Variants in ARID1B observed in about 807,000 individuals in gnomAD.
ARID1B encodes AT-rich interaction domain 1B, also known as AT-rich interactive domain-containing protein 1B.
Under a neutral mutation model 212.3 loss-of-function variants are expected in ARID1B, and 30 were observed. The observed-to-expected ratio is 0.14, with a 90% CI of 0.11 to 0.19. The LOEUF is 0.19. Among genes scored for constraint, ARID1B ranks in the 10% least tolerant of loss-of-function variants. The probability of loss-of-function intolerance (pLI) is 1.00; values close to 1 mark genes in which losing one functional copy is unlikely to be tolerated. For missense variants in ARID1B, 2,891 were observed against 3,204.0 expected (o/e 0.90, Z 2.36); for synonymous variants, 1,402 against 1,301.7 (o/e 1.08, Z -1.66).
intron 1 of ARID1B, among the ~76,000 whole-genome samples, chr6:156,802,495 A>C (rs2115359018): frequency 6.6e-6 from 1 of 152,336 alleles, no homozygotes; most frequent in South Asian, 2.1e-4. Flanking sequence ...TTTAGTTTTA[A>C]AATATCAAAT....
intron 2 of ARID1B, among the ~76,000 whole-genome samples, chr6:156,897,255 C>A (rs143826804): frequency 0.051 from 4,566 of 89,450 alleles, 162 homozygotes; most frequent in African/African-American, 0.11. Flanking sequence ...TCTTCTTCTT[C>A]TTCTTCTTCT....
At chr6:157,115,095 A>G (rs979309059) in intron 6 of ARID1B, among the ~76,000 whole-genome samples, 2 of 152,232 alleles carry the variant, frequency 1.3e-5, no homozygotes, top group African/African-American at 4.8e-5. Context: ...GTAAACCTGC[A>G]GTCCCCGTCC....
chr6:157,024,784 G>GA (rs111511182), intron 4 of ARID1B: 2,930 of 150,546 alleles, frequency 0.019, 80 homozygotes, highest in African/African-American at 0.068. Flanking sequence ...AAACAAAAAA[G>GA]AAAAAAAAAC....
chr6:157,128,723 A>G (rs191623940), intron 6 of ARID1B, among the ~76,000 whole-genome samples: 8 of 152,362 alleles, frequency 5.3e-5, no homozygotes, highest in Admixed American at 2.6e-4. Context: ...AGCGTGACCA[A>G]TAGAAAAAGA....
intron 4 of ARID1B, among the ~76,000 whole-genome samples, chr6:156,994,283 A>ATTTTC (rs1778448272): frequency 6.6e-6 from 1 of 152,182 alleles, no homozygotes; most frequent in South Asian, 2.1e-4. Context: ...TTTCAATAAC[A>ATTTTC]AGCCATTTTC....
At position 156,918,664 on chromosome 6, in the gene ARID1B, C is replaced by T. The variant is rs191515799; in HGVS notation, c.2137-16802C>T. 1.4e-3 allele frequency among the ~76,000 whole-genome samples: 211 copies of T among 152,170 alleles called. 1 individual carries two copies. The highest frequency in any genetic ancestry group is 4.4e-3 in the South Asian group (21 of 4,816). ...TAAGTTTGAAGAGCTTGTAAGCATC[C>T]GAGGAGACAACTTCTGGGTCACTTA... On this transcript the variant is annotated intron_variant, in intron 3 of 19. Coordinates refer to ENST00000636930, the MANE Select transcript of ARID1B (RefSeq NM_001374828.1).
At position 156,778,922 on chromosome 6, in the gene ARID1B, A is replaced by G. The variant is rs1583025850; in HGVS notation, c.1242A>G (p.Ala414=). ...GGGGGGGGAG[A]GGAGAGAVAA... ...GAGGAGGAGGAGGAGGAGCAGGAGC[A>G]GGAGGAGCAGGAGCGGGAGCTGTGG... is the stretch of plus-strand genomic sequence containing the variant. Residue 414 remains alanine, a synonymous_variant, in exon 1 of 20, where the codon GCA becomes GCG. Transcript: ENST00000636930. 2.3e-6 allele frequency: 3 copies of G among 1,317,726 alleles called. No individual in the cohort carries two copies. Among genetic ancestry groups the G allele is most frequent in the Admixed American group, 4.1e-5 (1 of 24,150 alleles). 81.6% of individuals were successfully genotyped at this position (1,317,726 alleles called of 1,614,324 possible). A position where few individuals can be genotyped will look rare whatever the true frequency, so the allele number is the denominator to read the frequency against.
At chr6:156,869,587 AG>A (rs1785958486) in intron 2 of ARID1B, among the ~76,000 whole-genome samples, 1 of 152,216 alleles carries the variant, frequency 6.6e-6, no homozygotes, top group African/African-American at 2.4e-5. Flanking sequence ...ACTTTTTATA[AG>A]GGCGAGGACA....
At chr6:156,995,150 G>A (rs1349936343) in intron 4 of ARID1B, among the ~76,000 whole-genome samples, 2 of 152,178 alleles carry the variant, frequency 1.3e-5, no homozygotes, top group East Asian at 1.9e-4. Context: ...CTCTTCTCCC[G>A]GGCTTAGGAC....
chr6:157,124,355 G>T (rs1401824267), intron 6 of ARID1B, among the ~76,000 whole-genome samples: 2 of 152,242 alleles, frequency 1.3e-5, no homozygotes, highest in African/African-American at 4.8e-5. Context: ...TTACAGTCTG[G>T]CGAGAGAAAC....
chr6:156,992,260 G>A (rs1778314688), intron 4 of ARID1B, among the ~76,000 whole-genome samples: 1 of 152,150 alleles, frequency 6.6e-6, no homozygotes, highest in Non-Finnish European at 1.5e-5. Flanking sequence ...TGTGTGTGTT[G>A]TAGTCCTTCA....
chr6:157,209,965 A>G lies in ARID1B; in HGVS notation c.*2074A>G, dbSNP rs1794682804. 1 of 233,114 alleles carries G rather than the reference A, an allele frequency of 4.3e-6. No homozygotes were observed. The highest frequency in any genetic ancestry group is 2.2e-5 in the African/African-American group (1 of 45,348). The allele number at this position is 233,114 out of a possible 1,614,324, so 14.4% of individuals were successfully genotyped here. ...TTCTCTTCCCTCTCCCAATCACAGT[A>G]TACTCAGAATCCCCAGCCCCTCGCA... On this transcript the variant is annotated 3_prime_UTR_variant, in exon 20 of 20. Transcript: ENST00000636930.
intron 2 of ARID1B, among the ~76,000 whole-genome samples, chr6:156,879,794 G>A (rs998951519): frequency 5.3e-5 from 8 of 152,300 alleles, no homozygotes; most frequent in Admixed American, 3.9e-4. Flanking sequence ...TATGTGCAGC[G>A]TGCGCATATG....
chr6:157,004,621 A>G (rs1779096647), intron 4 of ARID1B, among the ~76,000 whole-genome samples: 2 of 152,172 alleles, frequency 1.3e-5, no homozygotes, highest in South Asian at 2.1e-4. Flanking sequence ...ACTCCCCCCA[A>G]AATGATAGTT....
intron 4 of ARID1B, among the ~76,000 whole-genome samples, chr6:157,039,318 A>ATTTTTTTTTTTT (rs1215591720): frequency 1.2e-4 from 14 of 112,806 alleles, no homozygotes; most frequent in African/African-American, 2.6e-4. Context: ...GAAATTTGAC[A>ATTTTTTTTTTTT]TTTCTTTTTT....
chr6:157,146,482 C>G (rs1442923928), intron 7 of ARID1B, among the ~76,000 whole-genome samples: 4 of 152,176 alleles, frequency 2.6e-5, no homozygotes, highest in Non-Finnish European at 1.5e-5. Context: ...TCCACCAACC[C>G]CCACCAAGGG....
intron 13 of ARID1B, among the ~76,000 whole-genome samples, 183 bp from the exon 14 acceptor site, chr6:157,189,459 G>A (rs1793204371): frequency 6.6e-6 from 1 of 152,140 alleles, no homozygotes; most frequent in Non-Finnish European, 1.5e-5. Flanking sequence ...AATTTTTACT[G>A]TAAACAATAG....
chr6:157,040,831 G>C (rs970604075), intron 4 of ARID1B, among the ~76,000 whole-genome samples: 1 of 152,182 alleles, frequency 6.6e-6, no homozygotes, highest in Non-Finnish European at 1.5e-5. Flanking sequence ...CTCATTTAAA[G>C]GTAACTTAGA....
intron 2 of ARID1B, among the ~76,000 whole-genome samples, chr6:156,853,548 G>T (rs1238669669): frequency 6.6e-6 from 1 of 151,916 alleles, no homozygotes; most frequent in East Asian, 1.9e-4. Flanking sequence ...AGGGGGCAAG[G>T]TGTAGAAATG....
Sources: gnomAD v4.1 joint callset for allele counts (sites outside exome capture counted in the v4.1 genomes callset) on GRCh38, gnomAD v4.1.1 for gene constraint, MANE v1.5 for transcripts, NCBI Gene and HGNC (gene_info 2026-07-23, HGNC 2026-07-21) for gene names.